TRIM65: variants seen among roughly 807,000 people sequenced by gnomAD.
TRIM65 encodes tripartite motif containing 65.
A neutral mutation model predicts 36.1 loss-of-function variants in TRIM65; 46 were observed. The observed-to-expected ratio is 1.27, with a 90% confidence interval of 1.01 to 1.63. TRIM65 has a LOEUF of 1.63. Ranked by LOEUF, TRIM65 falls within the 40% of genes most tolerant of loss-of-function variation. The pLI, the probability that TRIM65 is intolerant of heterozygous loss-of-function variation, is 0.00. For synonymous variants in TRIM65, 346 were observed against 313.6 expected, an observed-to-expected ratio of 1.10 and a Z score of -1.09; for missense variants, 708 against 696.6, an observed-to-expected ratio of 1.02 and a Z score of -0.18.
chr17:75,891,949 C>A (rs181584070), intron 4 of TRIM65, 62 bp downstream of exon 4: 2 of 1,561,408 alleles, frequency 1.3e-6, no homozygotes, highest in Non-Finnish European at 1.7e-6. Flanking sequence ...CCGCCTCCAC[C>A]CCCCCAGCGG....
At position 75,896,773 on chromosome 17, in the gene TRIM65, G is replaced by A. The variant is rs1472018830; in HGVS notation, c.165C>T (p.Pro55=). Residue 55 remains proline, a synonymous_variant, in exon 1 of 6, where the codon CCC becomes CCT. Transcript: ENST00000269383. ...KACPECREPF[P]DGAELRRNVA... ...CGTTGCGGCGCAGCTCGGCGCCGTC[G>A]GGAAAGGGCTCCCGGCACTCGGGGC... The A allele has an allele frequency of 6.7e-7, 1 of 1,495,840 alleles. No homozygotes were observed. The highest frequency in any genetic ancestry group is 2.9e-5 in the East Asian group (1 of 34,956). The allele number at this position is 1,495,840 out of a possible 1,614,324, so 92.7% of individuals were successfully genotyped here. A position where few individuals can be genotyped will look rare whatever the true frequency, so the allele number is the denominator to read the frequency against.
Position 75,896,886 on chromosome 17 carries a change from G to C in TRIM65, c.52C>G (p.Leu18Val). The C allele has an allele frequency of 6.6e-7, 1 of 1,524,452 alleles. No homozygotes were observed. 94.4% of individuals were successfully genotyped at this position (1,524,452 alleles called of 1,614,324 possible). A position where few individuals can be genotyped will look rare whatever the true frequency, so the allele number is the denominator to read the frequency against. Residue 18 changes from leucine (L) to valine (V), a missense_variant, in exon 1 of 6, where the codon CTC becomes GTC. Leu to Val is a conservative substitution (Grantham distance 32). Transcript: ENST00000269383. ...EKLTCAICLG[L>V]YQDPVTLPCG... The stretch of plus-strand genomic sequence containing the variant: ...GGCAGCGTCACTGGGTCCTGGTAGA[G>C]CCCCAGGCAGATGGCGCAGGTCAGC...
rs2065335928 is a variant in TRIM65, at chr17:75,895,673, C to T, written c.414+851G>A. ...GGCGGCCTCCCCTTCCTCCTCCTGGCCCGTTTAGCAGGGTCACCCCAACCC... is the reference window on the plus strand; with the variant it reads ...GGCGGCCTCCCCTTCCTCCTCCTGGTCCGTTTAGCAGGGTCACCCCAACCC... On this transcript the variant is annotated intron_variant, in intron 1 of 5. Coordinates refer to ENST00000269383, the MANE Select transcript of TRIM65 (RefSeq NM_173547.4). Among the ~76,000 whole-genome samples the T allele has an allele frequency of 4.6e-5, 7 of 152,358 alleles. No individual in the cohort carries two copies. The South Asian group carries it at 1.4e-3, about 32-fold the overall frequency.
Position 75,891,049 on chromosome 17 carries a change from C to T in TRIM65, c.1284G>A (p.Gln428=). 1.2e-6 allele frequency: 2 copies of T among 1,612,590 alleles called. No individual in the cohort carries two copies. The highest frequency in any genetic ancestry group is 2.2e-5 in the South Asian group (2 of 91,032). ...RGPCSWGLCV[Q]EDSLQAWHNG... ...TGTGCCAGGCCTGGAGGCTGTCCTC[C>T]TGGACGCAGAGCCCCCAGGAGCAGG... Residue 428 remains glutamine, a synonymous_variant, in exon 6 of 6, where the codon CAG becomes CAA. Coordinates refer to ENST00000269383, the MANE Select transcript of TRIM65 (RefSeq NM_173547.4).
chr17:75,892,377 G>T lies in TRIM65; in HGVS notation c.634C>A (p.Gln212Lys), dbSNP rs748908103. The change falls in exon 3 of 6, where the codon CAG becomes AAG. Residue 212 changes from glutamine (Q) to lysine (K), a missense_variant. Coordinates refer to ENST00000269383, the MANE Select transcript of TRIM65 (RefSeq NM_173547.4). The part of the protein sequence containing the change: ...IEVAKTQALA[Q>K]ARDEEQRLRV... The stretch of plus-strand genomic sequence containing the variant: ...AGCCGCTGCTCCTCGTCTCGAGCCT[G>T]TGCCAGCGCCTGCGTCTTGGCCACC... The T allele has an allele frequency of 2.5e-6, 4 of 1,613,852 alleles. No homozygotes were observed. The highest frequency in any genetic ancestry group is 1.7e-6 in the Non-Finnish European group (2 of 1,179,974).
At chr17:75,886,073 T>A (rs1008791293), downstream of TRIM65, among the ~76,000 whole-genome samples, 2 of 152,162 alleles carry the variant, frequency 1.3e-5, no homozygotes, top group East Asian at 3.9e-4. Flanking sequence ...TGGTAATGAA[T>A]AAGTCTCACG....
chr17:75,883,274 G>A (rs1480852982), intron 4 of TRIM65, among the ~76,000 whole-genome samples: 4 of 143,686 alleles, frequency 2.8e-5, no homozygotes, highest in Non-Finnish European at 5.9e-5. Context: ...GCACTACCAC[G>A]ACCAGCTAAT....
Position 75,891,158 on chromosome 17 carries a change from T to TA in TRIM65, c.1174_1175insT (p.Asp392ValfsTer104), listed in dbSNP as rs2065259895. The TA allele has an allele frequency of 1.9e-6, 3 of 1,608,716 alleles. No individual in the cohort carries two copies. The African/African-American group carries it at 4.0e-5, about 21-fold the overall frequency. ...GGAGACGCCCAGTGTCACCGAGTGG[T>TA]CTGACGCGCGCACCTCCCAGTAGTG... On this transcript the variant is annotated frameshift_variant, in exon 6 of 6. Transcript: ENST00000269383. LOFTEE classifies it low-confidence loss of function (END_TRUNC).
chr17:75,896,936 ATGGCCCG>A lies in TRIM65; in HGVS notation c.-6_1del. On this transcript the variant is annotated start_lost and 5_prime_UTR_variant, in exon 1 of 6. Coordinates refer to ENST00000269383, the MANE Select transcript of TRIM65 (RefSeq NM_173547.4). ...CTTCTCCTCCAGCAGCTGCGCGGCC[ATGGCCCG>A]GCGGCGGCGAGAGCCAGGCGGGCCC... 1 of 1,491,830 alleles carries A rather than the reference ATGGCCCG, an allele frequency of 6.7e-7. No homozygotes were observed. The highest frequency in any genetic ancestry group is 8.9e-7 in the Non-Finnish European group (1 of 1,126,128). 92.4% of individuals were successfully genotyped at this position (1,491,830 alleles called of 1,614,324 possible).
downstream of TRIM65, among the ~76,000 whole-genome samples, chr17:75,879,942 C>T (rs557598388): frequency 2.8e-4 from 42 of 150,410 alleles, no homozygotes; most frequent in South Asian, 3.3e-3. Context: ...TTAGTAGAGA[C>T]GGGGTTTCAC....
chr17:75,896,879 T>A lies in TRIM65; in HGVS notation c.59A>T (p.Gln20Leu). The change falls in exon 1 of 6, where the codon CAG (glutamine) becomes CTG (leucine). Residue 20 changes from glutamine (Q) to leucine (L), a missense_variant. By Grantham distance (113) the Gln-to-Leu change is moderately radical (BLOSUM62 -2). Coordinates refer to ENST00000269383, the MANE Select transcript of TRIM65 (RefSeq NM_173547.4). The part of the protein sequence containing the change: ...LTCAICLGLY[Q>L]DPVTLPCGHN... ...GCCGCAGGGCAGCGTCACTGGGTCC[T>A]GGTAGAGCCCCAGGCAGATGGCGCA... The A allele has an allele frequency of 6.5e-7, 1 of 1,529,370 alleles. No individual in the cohort carries two copies. 94.7% of individuals were successfully genotyped at this position (1,529,370 alleles called of 1,614,324 possible). A position where few individuals can be genotyped will look rare whatever the true frequency, so the allele number is the denominator to read the frequency against.
Position 75,889,291 on chromosome 17 carries a change from T to C in TRIM65, c.*1488A>G, listed in dbSNP as rs2065236330. On this transcript the variant is annotated 3_prime_UTR_variant, in exon 6 of 6. Transcript: ENST00000269383. ...GGCTGGTCTCGAACTCCTGACCTTG[T>C]GATCCGCCTGCCTCGGCCTCCCAAA... is the stretch of plus-strand genomic sequence containing the variant. 1 of 152,110 alleles carries C rather than the reference T, an allele frequency of 6.6e-6. No individual in the cohort carries two copies. Among genetic ancestry groups the C allele is most frequent in the Non-Finnish European group, 1.5e-5 (1 of 68,034 alleles). 9.4% of individuals were successfully genotyped at this position (152,110 alleles called of 1,614,324 possible).
At chr17:75,892,621 A>G in intron 2 of TRIM65, 121 bp from the exon 3 acceptor site, 1 of 1,216,830 alleles carries the variant, frequency 8.2e-7, no homozygotes, top group South Asian at 1.4e-5. Flanking sequence ...GGTCCCGGGA[A>G]CCTCCCCAGG....
In TRIM65 at chr17:75,896,893, G is replaced by C; in HGVS notation, c.45C>G (p.Cys15Trp). The change falls in exon 1 of 6, where the codon TGC (cysteine) becomes TGG (tryptophan). Residue 15 changes from cysteine (C) to tryptophan (W), a missense_variant. By Grantham distance (215) the Cys-to-Trp change is radical. Coordinates refer to ENST00000269383, the MANE Select transcript of TRIM65 (RefSeq NM_173547.4). ...LLEEKLTCAI[C>W]LGLYQDPVTL... ...TCACTGGGTCCTGGTAGAGCCCCAG[G>C]CAGATGGCGCAGGTCAGCTTCTCCT... The C allele has an allele frequency of 6.6e-7, 1 of 1,520,600 alleles. No homozygotes were observed. Among genetic ancestry groups the C allele is most frequent in the East Asian group, 2.6e-5 (1 of 37,910 alleles). 94.2% of individuals were successfully genotyped at this position (1,520,600 alleles called of 1,614,324 possible). A position where few individuals can be genotyped will look rare whatever the true frequency, so the allele number is the denominator to read the frequency against.
intron 4 of TRIM65, among the ~76,000 whole-genome samples, chr17:75,881,565 C>G (rs1315706980): frequency 1.3e-5 from 2 of 150,644 alleles, no homozygotes; most frequent in Admixed American, 6.6e-5. Context: ...GACAAGGGCA[C>G]TCATGCCATG....
intron 4 of TRIM65, among the ~76,000 whole-genome samples, chr17:75,881,344 G>A (rs943884788): frequency 1.3e-5 from 2 of 150,310 alleles, no homozygotes; most frequent in African/African-American, 5.0e-5. Context: ...CCCTGTCTTA[G>A]TGTGTCTGGG....
intron 1 of TRIM65, among the ~76,000 whole-genome samples, chr17:75,893,242 C>A (rs1053583243): frequency 1.3e-5 from 2 of 152,186 alleles, no homozygotes; most frequent in African/African-American, 4.8e-5. Context: ...GGGAGGACCC[C>A]AAACACTAAA....
At chr17:75,887,920 C>T (rs537649069), downstream of TRIM65, among the ~76,000 whole-genome samples, 6 of 152,180 alleles carry the variant, frequency 3.9e-5, no homozygotes, top group South Asian at 1.2e-3. Context: ...CTTTGAGAGG[C>T]CAAGGTGGGT....
At chr17:75,885,699 G>A (rs2065201970), downstream of TRIM65, among the ~76,000 whole-genome samples, 1 of 152,298 alleles carries the variant, frequency 6.6e-6, no homozygotes, top group South Asian at 2.1e-4. Flanking sequence ...GCTTCCTGAG[G>A]ATGGAGGCTG....
Sources: gnomAD v4.1 joint callset for allele counts (sites outside exome capture counted in the v4.1 genomes callset) on GRCh38, gnomAD v4.1.1 for gene constraint, MANE v1.5 for transcripts, NCBI Gene and HGNC (gene_info 2026-07-23, HGNC 2026-07-21) for gene names.